Variants in HERC3 observed in about 807,000 individuals in gnomAD.
HERC3 encodes the protein HECT and RLD domain containing E3 ubiquitin protein ligase 3.
A neutral mutation model predicts 129.9 loss-of-function variants in HERC3; 58 were observed. The observed-to-expected ratio is 0.45, with a 90% confidence interval of 0.36 to 0.56. The LOEUF is 0.56. HERC3 is among the 20% of genes least tolerant of loss of function. The pLI, the probability that HERC3 is intolerant of heterozygous loss-of-function variation, is 0.00. For synonymous variants in HERC3, 430 were observed against 451.0 expected (o/e 0.95, Z 0.59); for missense variants, 835 against 1,244.2 (o/e 0.67, Z 4.95).
At chr4:88,551,331 T>G in the HERC3 span, among the ~76,000 whole-genome samples, 1 of 148,296 alleles carries the variant, frequency 6.7e-6, no homozygotes, top group Non-Finnish European at 1.5e-5. Context: ...GAAACTACCA[T>G]CAGAGTGAAC....
intron 23 of HERC3, chr4:88,690,318 A>G (rs764012086): frequency 1.8e-5 from 18 of 985,128 alleles, no homozygotes; most frequent in Non-Finnish European, 2.2e-5. Flanking sequence ...GGCAGATCAT[A>G]AAGCAGATTT....
intron 20 of HERC3, 142 bp downstream of exon 20, chr4:88,680,378 T>C (rs1321117232): frequency 1.9e-5 from 11 of 590,642 alleles, no homozygotes; most frequent in Non-Finnish European, 8.0e-6. Context: ...AATTAAAATG[T>C]TTATCCAGTC....
intron 3 of HERC3, among the ~76,000 whole-genome samples, chr4:88,611,853 G>A (rs3017896): frequency 2.0e-4 from 30 of 152,198 alleles, no homozygotes; most frequent in Admixed American, 2.0e-3. Flanking sequence ...TAGTCTGGAG[G>A]AGAATTTATT....
chr4:88,700,950 A>G (rs1280707205), intron 23 of HERC3, among the ~76,000 whole-genome samples: 1 of 152,148 alleles, frequency 6.6e-6, no homozygotes, highest in African/African-American at 2.4e-5. Context: ...AACCTGCTTT[A>G]CTCAAAGTCA....
intron 3 of HERC3, among the ~76,000 whole-genome samples, chr4:88,635,064 A>C (rs958657231): frequency 1.3e-5 from 2 of 152,290 alleles, no homozygotes; most frequent in African/African-American, 4.8e-5. Context: ...AATGAAAAAA[A>C]CGCTGAAAAC....
intron 11 of HERC3, among the ~76,000 whole-genome samples, chr4:88,663,776 T>C (rs940155276): frequency 2.2e-4 from 33 of 152,262 alleles, no homozygotes; most frequent in African/African-American, 8.0e-4. Context: ...GCCAAGATAA[T>C]TTCTGTGTTC....
At chr4:88,704,480 T>A (rs2149351631) in intron 24 of HERC3, 28 bp from the exon 25 acceptor site, 1 of 1,454,400 alleles carries the variant, frequency 6.9e-7, no homozygotes, top group South Asian at 1.1e-5. Context: ...CCAAGATACA[T>A]TTTTTTCTTT....
the HERC3 span, among the ~76,000 whole-genome samples, chr4:88,584,215 T>C: frequency 2.0e-5 from 3 of 152,340 alleles, no homozygotes; most frequent in South Asian, 2.1e-4. Flanking sequence ...CTTTGGCTTA[T>C]AGATGCATTA....
chr4:88,697,073 T>A, intron 23 of HERC3: 1 of 848,812 alleles, frequency 1.2e-6, no homozygotes, highest in Non-Finnish European at 1.8e-6. Flanking sequence ...TAATCTATTT[T>A]AGGAATGTCA....
chr4:88,556,974 T>A, the HERC3 span, among the ~76,000 whole-genome samples: 1 of 152,186 alleles, frequency 6.6e-6, no homozygotes, highest in South Asian at 2.1e-4. Context: ...TGGTCTCATG[T>A]ACCTTATATT....
the HERC3 span, among the ~76,000 whole-genome samples, chr4:88,583,327 T>G: frequency 0.034 from 5,151 of 151,824 alleles, 285 homozygotes; most frequent in East Asian, 0.27. Context: ...TTCCAGCTAC[T>G]TGTGAGGCTA....
At chr4:88,557,243 A>G in the HERC3 span, among the ~76,000 whole-genome samples, 1 of 152,280 alleles carries the variant, frequency 6.6e-6, no homozygotes, top group East Asian at 1.9e-4. Context: ...AACTGTTTGT[A>G]TCCATCATTG....
At chr4:88,617,175 C>CAA (rs1162260456) in intron 3 of HERC3, among the ~76,000 whole-genome samples, 496 of 31,832 alleles carry the variant, frequency 0.016, 33 homozygotes, top group African/African-American at 0.044. Context: ...ACCCTGTCTC[C>CAA]AAAAAAAAAA....
intron 12 of HERC3, among the ~76,000 whole-genome samples, chr4:88,666,304 A>C (rs1043322018): frequency 6.6e-6 from 1 of 152,160 alleles, no homozygotes; most frequent in Non-Finnish European, 1.5e-5. Flanking sequence ...CAAAATGAAG[A>C]CCAGATTTAC....
chr4:88,610,871 T>A (rs1456234982), intron 3 of HERC3, among the ~76,000 whole-genome samples: 5 of 152,178 alleles, frequency 3.3e-5, no homozygotes, highest in Non-Finnish European at 7.3e-5. Flanking sequence ...TAATGGTAGG[T>A]GTTGCTGGGC....
intron 13 of HERC3, 52 bp downstream of exon 13, chr4:88,667,540 A>G (rs1381949453): frequency 1.1e-6 from 1 of 921,722 alleles, no homozygotes; most frequent in Non-Finnish European, 1.7e-6. Context: ...TTTTGTATCG[A>G]TGAATTCAAC....
At chr4:88,674,210 G>T (rs913405022) in intron 16 of HERC3, among the ~76,000 whole-genome samples, 4 of 152,094 alleles carry the variant, frequency 2.6e-5, no homozygotes, top group Non-Finnish European at 4.4e-5. Flanking sequence ...TTTAAGGGGT[G>T]CAGGGAGGCT....
At chr4:88,651,212 A>G (rs137855223) in intron 4 of HERC3, among the ~76,000 whole-genome samples, 185 of 152,334 alleles carry the variant, frequency 1.2e-3, no homozygotes, top group African/African-American at 4.3e-3. Context: ...ACGGCATTTC[A>G]TTTTTAAAAA....
At chr4:88,606,137 C>A in intron 3 of HERC3, 88 bp downstream of exon 3, 2 of 1,056,578 alleles carry the variant, frequency 1.9e-6, no homozygotes, top group South Asian at 1.5e-5. Context: ...GCTTTCTCCA[C>A]CAAGTGTTCG....
Sources: allele counts gnomAD v4.1 joint callset (sites outside exome capture counted in the v4.1 genomes callset), GRCh38; gene constraint gnomAD v4.1.1; transcripts MANE v1.5; gene names NCBI Gene and HGNC (gene_info 2026-07-23, HGNC 2026-07-21).